The following ATG10 variants were observed in gnomAD, a reference collection of about 807,000 sequenced individuals.
ATG10 encodes autophagy related 10, also known as ubiquitin-like-conjugating enzyme ATG10.
A neutral mutation model predicts 32.1 loss-of-function variants in ATG10; 30 were observed. That is an observed-to-expected ratio of 0.94 (90% CI 0.70 to 1.27). The LOEUF is 1.27. Among genes scored for constraint, ATG10 ranks in the 50% most tolerant of loss-of-function variants. The pLI, the probability that ATG10 is intolerant of heterozygous loss-of-function variation, is 0.00. For synonymous variants in ATG10, 87 were observed against 91.5 expected, an observed-to-expected ratio of 0.95 and a Z score of 0.28; for missense variants, 233 against 262.3, an observed-to-expected ratio of 0.89 and a Z score of 0.77.
intron 3 of ATG10, among the ~76,000 whole-genome samples, chr5:82,161,082 T>C (rs1447933188): frequency 2.0e-5 from 3 of 152,178 alleles, no homozygotes; most frequent in Admixed American, 6.5e-5. Context: ...TGTGTAGAAG[T>C]CTGAGATTTC....
chr5:82,082,064 A>G lies in ATG10; in HGVS notation c.216+23462A>G, dbSNP rs183167048. ...CATTATCACAAGAACAGTGCAGGAA[A>G]GACCTGCCTCCATAATTCAGTTACC... On this transcript the variant is annotated intron_variant, in intron 3 of 7. Coordinates refer to ENST00000282185, the MANE Select transcript of ATG10 (RefSeq NM_031482.5). 6.6e-5 allele frequency among the ~76,000 whole-genome samples: 10 copies of G among 152,308 alleles called. No individual in the cohort carries two copies. In the East Asian group the frequency reaches 1.9e-3, roughly 29 times the overall value.
chr5:82,196,022 C>G (rs975938985), intron 5 of ATG10, among the ~76,000 whole-genome samples: 1 of 152,196 alleles, frequency 6.6e-6, no homozygotes, highest in African/African-American at 2.4e-5. Context: ...GTTACAGTTT[C>G]TCCCCATCTT....
intron 1 of ATG10, among the ~76,000 whole-genome samples, chr5:81,983,517 C>A (rs1283728719): frequency 6.7e-6 from 1 of 148,404 alleles, no homozygotes; most frequent in African/African-American, 2.5e-5. Flanking sequence ...GGGGCTGACC[C>A]CCCCCACCTC....
intron 5 of ATG10, among the ~76,000 whole-genome samples, chr5:82,230,218 A>T (rs1005572333): frequency 6.6e-6 from 1 of 152,218 alleles, no homozygotes; most frequent in Non-Finnish European, 1.5e-5. Flanking sequence ...AGGAAGGGTT[A>T]GTTCTCACAT....
At chr5:82,129,891 C>T (rs1415784822) in intron 3 of ATG10, among the ~76,000 whole-genome samples, 1 of 152,150 alleles carries the variant, frequency 6.6e-6, no homozygotes, top group Non-Finnish European at 1.5e-5. Flanking sequence ...AGATCCGCTG[C>T]TCTTTTCACA....
intron 3 of ATG10, among the ~76,000 whole-genome samples, chr5:82,105,749 C>T (rs191794852): frequency 1.3e-5 from 2 of 152,196 alleles, no homozygotes; most frequent in Non-Finnish European, 2.9e-5. Context: ...CAGTCACCAG[C>T]CAGGCTTTGA....
chr5:81,983,130 C>T (rs1014205123), intron 1 of ATG10, among the ~76,000 whole-genome samples: 2 of 151,738 alleles, frequency 1.3e-5, no homozygotes, highest in Admixed American at 1.3e-4. Flanking sequence ...GTAGGGGCGG[C>T]CGGACAGAGG....
rs1354131351 is a variant in ATG10, at chr5:81,977,164, CAAAT to C, written c.-13+4863_-13+4866del. 2.0e-5 allele frequency among the ~76,000 whole-genome samples: 3 copies of C among 152,210 alleles called. No individual in the cohort carries two copies. In the East Asian group the frequency reaches 5.8e-4, roughly 29 times the overall value. ...GTGCTAGGATTACTTTGCCTGACCT[CAAAT>C]AAATCCTTTAAAATTTTAATGTGCC... On this transcript the variant is annotated intron_variant, in intron 1 of 7. Transcript: ENST00000282185.
chr5:81,985,785 C>T (rs112383604), intron 1 of ATG10, among the ~76,000 whole-genome samples: 5 of 152,144 alleles, frequency 3.3e-5, no homozygotes, highest in East Asian at 1.9e-4. Context: ...TTTTCTGAGA[C>T]GGAGTGTCGC....
chr5:82,203,845 G>A (rs971712782), intron 5 of ATG10, among the ~76,000 whole-genome samples: 1 of 152,076 alleles, frequency 6.6e-6, no homozygotes, highest in African/African-American at 2.4e-5. Context: ...TAACCAGTGT[G>A]TTATCTTAAA....
intron 2 of ATG10, among the ~76,000 whole-genome samples, chr5:82,014,150 T>A (rs1263968596): frequency 1.3e-5 from 2 of 152,248 alleles, no homozygotes; most frequent in African/African-American, 2.4e-5. Context: ...TGAGTGAGTT[T>A]CTTAATCCTG....
intron 3 of ATG10, among the ~76,000 whole-genome samples, chr5:82,096,838 C>T (rs1765081957): frequency 6.6e-6 from 1 of 152,184 alleles, no homozygotes; most frequent in South Asian, 2.1e-4. Context: ...TCTGCCACCT[C>T]TCCACTGCCC....
intron 4 of ATG10, among the ~76,000 whole-genome samples, chr5:82,176,185 T>G (rs150539684): frequency 1.3e-5 from 2 of 152,322 alleles, no homozygotes; most frequent in African/African-American, 4.8e-5. Context: ...GAAATAAAGT[T>G]AAGGAAGGCA....
At chr5:82,192,766 A>G (rs1279497224) in intron 5 of ATG10, among the ~76,000 whole-genome samples, 3 of 152,202 alleles carry the variant, frequency 2.0e-5, no homozygotes, top group Non-Finnish European at 4.4e-5. Context: ...TTTCTATTCT[A>G]TATAAAATAA....
intron 4 of ATG10, among the ~76,000 whole-genome samples, chr5:82,174,352 G>C (rs1743927050): frequency 6.6e-6 from 1 of 152,132 alleles, no homozygotes. Flanking sequence ...AAACTGGAGA[G>C]ATTTGCAGAG....
At chr5:82,063,634 A>T (rs1763855164) in intron 3 of ATG10, among the ~76,000 whole-genome samples, 1 of 151,996 alleles carries the variant, frequency 6.6e-6, no homozygotes, top group Non-Finnish European at 1.5e-5. Flanking sequence ...CTGGGATTAC[A>T]GGCACCCATC....
intron 5 of ATG10, among the ~76,000 whole-genome samples, chr5:82,233,086 T>C (rs1413712083): frequency 6.6e-6 from 1 of 152,276 alleles, no homozygotes; most frequent in African/African-American, 2.4e-5. Context: ...GAATTAGGGC[T>C]GATGTCTTTA....
At chr5:82,079,498 T>C (rs1272724076) in intron 3 of ATG10, among the ~76,000 whole-genome samples, 1 of 152,152 alleles carries the variant, frequency 6.6e-6, no homozygotes, top group Non-Finnish European at 1.5e-5. Flanking sequence ...GTATATCTCC[T>C]AGTGCTATCC....
chr5:82,097,070 C>T (rs1015466189), intron 3 of ATG10, among the ~76,000 whole-genome samples: 1 of 152,054 alleles, frequency 6.6e-6, no homozygotes, highest in East Asian at 1.9e-4. Flanking sequence ...AATTATGGTT[C>T]GTTATATCTA....
Sources: allele counts gnomAD v4.1 joint callset (sites outside exome capture counted in the v4.1 genomes callset), GRCh38; gene constraint gnomAD v4.1.1; transcripts MANE v1.5; gene names NCBI Gene and HGNC (gene_info 2026-07-23, HGNC 2026-07-21).